The following RTN4RL1 variants were observed in gnomAD, a reference collection of about 807,000 sequenced individuals.
The protein encoded by RTN4RL1 is reticulon-4 receptor-like 1.
Under a neutral mutation model 25.6 loss-of-function variants are expected in RTN4RL1, and 7 were observed. The observed-to-expected ratio is 0.27, with a 90% CI of 0.16 to 0.51. RTN4RL1 has a LOEUF of 0.51. RTN4RL1 is among the 20% of genes least tolerant of loss of function. The probability of loss-of-function intolerance (pLI) is 0.97; values close to 1 mark genes in which losing one functional copy is unlikely to be tolerated. For missense variants in RTN4RL1, 500 were observed against 615.6 expected (o/e 0.81, Z 1.99); for synonymous variants, 297 against 288.2 (o/e 1.03, Z -0.31).
rs573363835 is a variant in RTN4RL1, at chr17:1,949,258, G to C, written c.14-11450C>G. Among the ~76,000 whole-genome samples, 6 of 152,014 alleles carry C rather than the reference G, an allele frequency of 3.9e-5. No individual in the cohort carries two copies. The Middle Eastern group carries it at 0.01, about 259-fold the overall frequency. On this transcript the variant is annotated intron_variant, in intron 1 of 1. Transcript: ENST00000331238. ...TTACAGGCGTGAGCCACCGTGCCTG[G>C]CCTAATTTTTGTATTTTTAGTAGAG...
chr17:1,976,485 G>A (rs879481834), intron 1 of RTN4RL1, among the ~76,000 whole-genome samples: 14 of 152,250 alleles, frequency 9.2e-5, no homozygotes, highest in Admixed American at 4.6e-4. Context: ...AAGTAGTGTT[G>A]GTGCTGCAGA....
intron 1 of RTN4RL1, among the ~76,000 whole-genome samples, chr17:1,949,531 A>G (rs966020981): frequency 6.6e-6 from 1 of 152,144 alleles, no homozygotes; most frequent in East Asian, 1.9e-4. Flanking sequence ...CCCAGCCCCG[A>G]AGACCCGCCC....
intron 1 of RTN4RL1, among the ~76,000 whole-genome samples, chr17:1,963,859 G>A (rs1190841774): frequency 6.6e-6 from 1 of 152,180 alleles, no homozygotes; most frequent in Non-Finnish European, 1.5e-5. Context: ...AGGCTCCCGA[G>A]TAGCTGGGAT....
At chr17:1,941,241 G>A (rs137893899) in intron 1 of RTN4RL1, among the ~76,000 whole-genome samples, 1 of 152,336 alleles carries the variant, frequency 6.6e-6, no homozygotes, top group East Asian at 1.9e-4. Context: ...CACAAAGCAG[G>A]TGCCTCCAAG....
chr17:2,003,113 G>C (rs142045204), intron 1 of RTN4RL1: 1 of 152,296 alleles, frequency 6.6e-6, no homozygotes, highest in Non-Finnish European at 1.5e-5. Context: ...TTCACCAGGG[G>C]GCACTGCCAG....
Position 1,947,950 on chromosome 17 carries a change from G to A in RTN4RL1, c.14-10142C>T, listed in dbSNP as rs533934404. ...CTCAGTGGGACAGGGCTGGTTGTAC[G>A]GGTGGCCCTCCCTAAGCCGTGATGA... On this transcript the variant is annotated intron_variant, in intron 1 of 1. Transcript: ENST00000331238. Among the ~76,000 whole-genome samples the A allele has an allele frequency of 2.6e-4, 40 of 152,256 alleles. 1 individual carries two copies. In the South Asian group the frequency reaches 8.3e-3, roughly 32 times the overall value.
intron 1 of RTN4RL1, among the ~76,000 whole-genome samples, chr17:2,005,657 G>A (rs1333880038): frequency 3.9e-5 from 6 of 152,054 alleles, no homozygotes; most frequent in African/African-American, 1.4e-4. Context: ...GCCTGAGCCC[G>A]GGAGGTGGAG....
At chr17:1,942,771 C>T (rs1478089930) in intron 1 of RTN4RL1, among the ~76,000 whole-genome samples, 1 of 152,138 alleles carries the variant, frequency 6.6e-6, no homozygotes, top group Non-Finnish European at 1.5e-5. Flanking sequence ...CCGGTCCGCT[C>T]AGCAGCCCCA....
chr17:1,962,085 C>A (rs2066766512), intron 1 of RTN4RL1, among the ~76,000 whole-genome samples: 1 of 148,864 alleles, frequency 6.7e-6, no homozygotes, highest in African/African-American at 2.5e-5. Context: ...GGTTTCAGAA[C>A]AGCCTAGGCA....
chr17:1,946,909 C>T (rs1915563416), intron 1 of RTN4RL1, among the ~76,000 whole-genome samples: 1 of 131,608 alleles, frequency 7.6e-6, no homozygotes, highest in Non-Finnish European at 1.6e-5. Context: ...TCTGTGTATG[C>T]ACGTGTGTCT....
chr17:2,020,053 A>G (rs1176136406), intron 1 of RTN4RL1: 1 of 152,098 alleles, frequency 6.6e-6, no homozygotes, highest in African/African-American at 2.4e-5. Flanking sequence ...TTTCTGGCAT[A>G]AGGACCCGGA....
chr17:1,944,431 G>A (rs921826807), intron 1 of RTN4RL1, among the ~76,000 whole-genome samples: 5 of 151,940 alleles, frequency 3.3e-5, no homozygotes, highest in South Asian at 2.1e-4. Context: ...CAGACGCAGC[G>A]CCTTCATTTC....
In RTN4RL1 at chr17:1,957,086, T is replaced by A. The variant is rs562305507; in HGVS notation, c.14-19278A>T. 2.3e-4 allele frequency among the ~76,000 whole-genome samples: 35 copies of A among 152,302 alleles called. 1 individual carries two copies. In the South Asian group the frequency reaches 6.8e-3, roughly 30 times the overall value. Reference sequence around the variant, plus strand: ...ACATGACTGTATCTATTGATTCTTTTCAAGAGTCAGTTAAATTAAAACTAA... The same window carrying A: ...ACATGACTGTATCTATTGATTCTTTACAAGAGTCAGTTAAATTAAAACTAA... On this transcript the variant is annotated intron_variant, in intron 1 of 1. Coordinates refer to ENST00000331238, the MANE Select transcript of RTN4RL1 (RefSeq NM_178568.4).
intron 1 of RTN4RL1, among the ~76,000 whole-genome samples, chr17:1,947,495 G>A (rs370910706): frequency 1.8e-4 from 28 of 152,240 alleles, no homozygotes; most frequent in African/African-American, 6.5e-4. Flanking sequence ...TTCAACTCCC[G>A]CCCTCCTCCC....
At chr17:1,969,456 G>C (rs1426130617) in intron 1 of RTN4RL1, among the ~76,000 whole-genome samples, 1 of 152,046 alleles carries the variant, frequency 6.6e-6, no homozygotes, top group Non-Finnish European at 1.5e-5. Context: ...CCTCATTTTT[G>C]TCCCCACTTC....
intron 1 of RTN4RL1, among the ~76,000 whole-genome samples, chr17:2,004,284 T>C (rs1248993733): frequency 3.6e-5 from 5 of 139,286 alleles, no homozygotes; most frequent in Non-Finnish European, 6.0e-5. Flanking sequence ...AGGAGAATGA[T>C]GTGAACCTGG....
At chr17:1,952,478 G>A (rs1346683668) in intron 1 of RTN4RL1, among the ~76,000 whole-genome samples, 1 of 151,630 alleles carries the variant, frequency 6.6e-6, no homozygotes, top group South Asian at 2.1e-4. Flanking sequence ...CTGGGATTGC[G>A]AATGCAGGCA....
chr17:1,982,387 C>T (rs949723815), intron 1 of RTN4RL1, among the ~76,000 whole-genome samples: 2 of 151,866 alleles, frequency 1.3e-5, no homozygotes, highest in African/African-American at 4.8e-5. Context: ...CCGAGGCGGG[C>T]GGACCACGAG....
At position 1,990,563 on chromosome 17, in the gene RTN4RL1, G is replaced by T. The variant is rs112918077; in HGVS notation, c.13+34290C>A. Among the ~76,000 whole-genome samples, 1,239 of 151,900 alleles carry T rather than the reference G, an allele frequency of 8.2e-3. 23 individuals carry two copies. Among genetic ancestry groups the T allele is most frequent in the African/African-American group, 0.028 (1,178 of 41,398 alleles). ...AAAACATAAAAAATATTAGCCAGAT[G>T]TGTGGCATGCACTTTTGGTCCCAGC... On this transcript the variant is annotated intron_variant, in intron 1 of 1. Transcript: ENST00000331238.
Sources: gnomAD v4.1 joint callset for allele counts (sites outside exome capture counted in the v4.1 genomes callset) on GRCh38, gnomAD v4.1.1 for gene constraint, MANE v1.5 for transcripts, NCBI Gene and HGNC (gene_info 2026-07-23, HGNC 2026-07-21) for gene names.